Variants in DRC8 observed in about 807,000 individuals in gnomAD.
DRC8 encodes dynein regulatory complex protein 8.
At chr1:245,067,965 A>G in the DRC8 span, among the ~76,000 whole-genome samples, 1 of 152,214 alleles carries the variant, frequency 6.6e-6, no homozygotes, top group Non-Finnish European at 1.5e-5. Flanking sequence ...GAATTTAATT[A>G]TAGAGCTGAT....
chr1:245,051,941 A>G, the DRC8 span, among the ~76,000 whole-genome samples: 1 of 151,876 alleles, frequency 6.6e-6, no homozygotes, highest in African/African-American at 2.4e-5. Flanking sequence ...AGTGGTACAA[A>G]GTCAGCGACT....
the DRC8 span, among the ~76,000 whole-genome samples, chr1:245,056,578 C>G: frequency 4.4e-3 from 670 of 152,318 alleles, 1 homozygote; most frequent in African/African-American, 0.015. Flanking sequence ...TTTGCATAGT[C>G]TATCATTTTC....
the DRC8 span, chr1:245,087,154 T>TGTG: frequency 3.3e-6 from 5 of 1,525,452 alleles, no homozygotes; most frequent in Non-Finnish European, 3.5e-6. Context: ...TGTGGGAGCT[T>TGTG]GTGGGGCTCC....
the DRC8 span, among the ~76,000 whole-genome samples, chr1:245,119,855 C>T: frequency 6.6e-6 from 1 of 151,652 alleles, no homozygotes; most frequent in Non-Finnish European, 1.5e-5. Context: ...ATGGCGTGAA[C>T]CCAGGAGGTG....
the DRC8 span, among the ~76,000 whole-genome samples, chr1:244,984,128 T>TGG: frequency 6.9e-6 from 1 of 145,566 alleles, no homozygotes. Context: ...CTAATTTTTT[T>TGG]GGGGGGGGGG....
At chr1:245,107,695 C>T in the DRC8 span, among the ~76,000 whole-genome samples, 3 of 152,184 alleles carry the variant, frequency 2.0e-5, no homozygotes, top group Non-Finnish European at 4.4e-5. Flanking sequence ...CAGTCCTGCT[C>T]GGTTTCCAGG....
the DRC8 span, among the ~76,000 whole-genome samples, chr1:244,976,473 T>TA: frequency 1.1e-4 from 17 of 151,666 alleles, no homozygotes; most frequent in Non-Finnish European, 1.9e-4. Context: ...TTATTCAGAA[T>TA]AAAAAAAAAT....
the DRC8 span, among the ~76,000 whole-genome samples, chr1:245,060,080 A>G: frequency 6.6e-6 from 1 of 152,212 alleles, no homozygotes; most frequent in Admixed American, 6.5e-5. Context: ...CCAGGAGAAG[A>G]ATCTTTTCAG....
At chr1:245,079,419 A>T in the DRC8 span, among the ~76,000 whole-genome samples, 1 of 152,252 alleles carries the variant, frequency 6.6e-6, no homozygotes, top group East Asian at 1.9e-4. Context: ...TTATTTTCGT[A>T]TAATTTTGGT....
the DRC8 span, among the ~76,000 whole-genome samples, chr1:244,972,777 A>G: frequency 6.6e-6 from 1 of 151,138 alleles, no homozygotes; most frequent in Non-Finnish European, 1.5e-5. Flanking sequence ...AGATCACACC[A>G]CTGCACTCCA....
the DRC8 span, among the ~76,000 whole-genome samples, chr1:245,001,850 C>A: frequency 6.6e-6 from 1 of 152,262 alleles, no homozygotes; most frequent in Admixed American, 6.5e-5. Flanking sequence ...CCCTTCAGTT[C>A]TCTTTTCCCT....
At chr1:245,006,895 G>T in the DRC8 span, among the ~76,000 whole-genome samples, 1 of 152,038 alleles carries the variant, frequency 6.6e-6, no homozygotes, top group Non-Finnish European at 1.5e-5. Context: ...GATTGCGCCA[G>T]TGAATTCCAG....
At chr1:245,062,690 T>C in the DRC8 span, among the ~76,000 whole-genome samples, 54,955 of 152,080 alleles carry the variant, frequency 0.36, 10,137 homozygotes, top group Middle Eastern at 0.43. Flanking sequence ...TGACTTTTTA[T>C]TGGGGTGACC....
At chr1:244,979,728 C>T in the DRC8 span, among the ~76,000 whole-genome samples, 1 of 151,862 alleles carries the variant, frequency 6.6e-6, no homozygotes, top group African/African-American at 2.4e-5. Context: ...AGGTGTGAGC[C>T]ACGACTCCCA....
At chr1:245,054,152 T>C in the DRC8 span, among the ~76,000 whole-genome samples, 1 of 152,092 alleles carries the variant, frequency 6.6e-6, no homozygotes, top group Non-Finnish European at 1.5e-5. Context: ...TCTGTTTGTT[T>C]TTTGGGGTTT....
chr1:244,993,106 C>A, the DRC8 span, among the ~76,000 whole-genome samples: 1 of 152,230 alleles, frequency 6.6e-6, no homozygotes, highest in African/African-American at 2.4e-5. Context: ...ACACAGAAGC[C>A]ACAATATCTT....
At chr1:245,103,963 C>A in the DRC8 span, among the ~76,000 whole-genome samples, 1 of 152,050 alleles carries the variant, frequency 6.6e-6, no homozygotes, top group African/African-American at 2.4e-5. Context: ...TAAAAAGAGG[C>A]GGGGAAGTTG....
chr1:245,110,421 A>G, the DRC8 span, among the ~76,000 whole-genome samples: 1 of 151,880 alleles, frequency 6.6e-6, no homozygotes, highest in Non-Finnish European at 1.5e-5. Flanking sequence ...AAAACAAAGA[A>G]TTAAGTTGAA....
chr1:244,988,582 T>C, the DRC8 span, among the ~76,000 whole-genome samples: 1 of 152,236 alleles, frequency 6.6e-6, no homozygotes, highest in South Asian at 2.1e-4. Flanking sequence ...TAGTGAAATG[T>C]CATCAGATTC....
Sources: gnomAD v4.1 joint callset for allele counts (sites outside exome capture counted in the v4.1 genomes callset) on GRCh38, gnomAD v4.1.1 for gene constraint, MANE v1.5 for transcripts, NCBI Gene and HGNC (gene_info 2026-07-23, HGNC 2026-07-21) for gene names.